Variants in ADPRM observed in about 807,000 individuals in gnomAD.
ADPRM encodes the protein manganese-dependent ADP-ribose/CDP-alcohol diphosphatase.
A neutral mutation model predicts 27.2 loss-of-function variants in ADPRM; 17 were observed. That is an observed-to-expected ratio of 0.63 (90% CI 0.43 to 0.94). The LOEUF is 0.94. ADPRM is among the 40% of genes least tolerant of loss of function. The pLI, the probability that ADPRM is intolerant of heterozygous loss-of-function variation, is 0.00. For missense variants in ADPRM, 337 were observed against 412.8 expected (o/e 0.82, Z 1.59); for synonymous variants, 135 against 145.3 (o/e 0.93, Z 0.51).
At chr17:10,708,682 CA>C (rs1220017537) in intron 3 of ADPRM, among the ~76,000 whole-genome samples, 5 of 152,122 alleles carry the variant, frequency 3.3e-5, no homozygotes, top group Admixed American at 1.3e-4. Flanking sequence ...TAAGTGGTCT[CA>C]GAAACTAGGA....
At position 10,705,170 on chromosome 17, in the gene ADPRM, C is replaced by T. The variant is rs1269582017; in HGVS notation, c.244C>T (p.Gln82Ter). Residue 82 changes from glutamine to a stop codon, truncating the protein, a stop_gained, in exon 2 of 4, where the codon CAG (glutamine) becomes TAG (stop). Coordinates refer to ENST00000379774, the MANE Select transcript of ADPRM (RefSeq NM_020233.5). LOFTEE classifies it high-confidence loss of function. This position sits in a 1 kb window ranked among gnomAD's most constrained non-coding sequence, Gnocchi z 5.4. ...AGATATCATCGATGGATATAATGCA[C>T]AGTATAATGCATCCAAAAAGTCCCT... ...LGDIIDGYNA[Q>*]YNASKKSLEL... The T allele has an allele frequency of 2.5e-6, 4 of 1,614,052 alleles. No homozygotes were observed. Among genetic ancestry groups the T allele is most frequent in the South Asian group, 2.2e-5 (2 of 91,084 alleles).
At chr17:10,704,122 T>C (rs1040598038) in intron 1 of ADPRM, among the ~76,000 whole-genome samples, 1 of 152,070 alleles carries the variant, frequency 6.6e-6, no homozygotes, top group African/African-American at 2.4e-5. Flanking sequence ...GGTGGAAGGA[T>C]TGCTTGAGCC....
intron 1 of ADPRM, among the ~76,000 whole-genome samples, chr17:10,699,774 T>G (rs1486440240): frequency 5.9e-5 from 9 of 152,166 alleles, no homozygotes; most frequent in Admixed American, 5.9e-4. Context: ...CATCGTGATC[T>G]GCCCGCCTCG....
At chr17:10,709,176 T>C (rs2074833862) in intron 3 of ADPRM, among the ~76,000 whole-genome samples, 1 of 152,142 alleles carries the variant, frequency 6.6e-6, no homozygotes, top group African/African-American at 2.4e-5. Flanking sequence ...GAATTGCCAT[T>C]AGCTGAGATA....
At position 10,697,619 on chromosome 17, in the gene ADPRM, G is replaced by A; in HGVS notation, c.-66G>A. 1 of 1,342,478 alleles carries A rather than the reference G, an allele frequency of 7.4e-7. No homozygotes were observed. 83.2% of individuals were successfully genotyped at this position (1,342,478 alleles called of 1,614,324 possible). ...GTCCGTCCCGCTCGTTGGTGGCGCT[G>A]TTACATAGCCCGTAGTCAGAGGCCT... On this transcript the variant is annotated 5_prime_UTR_variant, in exon 1 of 4. Transcript: ENST00000379774.
chr17:10,701,812 G>A (rs1297177558), intron 1 of ADPRM, among the ~76,000 whole-genome samples: 1 of 152,132 alleles, frequency 6.6e-6, no homozygotes, highest in Non-Finnish European at 1.5e-5. Flanking sequence ...TTTCCTCACT[G>A]GAGGTGGCTT....
At chr17:10,697,787 C>A (rs1369377510) in intron 1 of ADPRM, 120 bp downstream of exon 1, 3 of 444,052 alleles carry the variant, frequency 6.8e-6, no homozygotes, top group Non-Finnish European at 7.9e-6. Flanking sequence ...GCGGCTGGGC[C>A]GAGGCAAGGC....
In ADPRM at chr17:10,711,002, TAGA is replaced by T. The variant is rs753054950; in HGVS notation, c.890_892del (p.Glu297del). 2.4e-5 allele frequency: 38 copies of T among 1,614,022 alleles called. No homozygotes were observed. The highest frequency in any genetic ancestry group is 1.9e-5 in the Non-Finnish European group (22 of 1,180,028). The stretch of plus-strand genomic sequence containing the variant: ...CCTTTTGGTGTATACCACGTCAACC[TAGA>T]AGGAGTTATTGAAACAGCTCCAGAC... On this transcript the variant is annotated inframe_deletion, in exon 4 of 4. Transcript: ENST00000379774.
chr17:10,709,675 G>A (rs1012647539), intron 3 of ADPRM, among the ~76,000 whole-genome samples: 2 of 151,864 alleles, frequency 1.3e-5, no homozygotes, highest in Non-Finnish European at 2.9e-5. Flanking sequence ...AGCAGCACAC[G>A]CCTTTGGACG....
Position 10,705,882 on chromosome 17 carries a change from G to T in ADPRM, c.601+355G>T, listed in dbSNP as rs1044740479. ...AACAAGATTATTTCCACGGTCGTAA[G>T]TGCTGCCAAGGAAATAGAGTATGAT... On this transcript the variant is annotated intron_variant, in intron 2 of 3. Transcript: ENST00000379774. This position sits in a 1 kb window ranked among gnomAD's most constrained non-coding sequence, Gnocchi z 5.4. 4.9e-5 allele frequency: 14 copies of T among 287,384 alleles called. No individual in the cohort carries two copies. The highest frequency in any genetic ancestry group is 4.8e-4 in the Admixed American group (10 of 20,718). 17.8% of individuals were successfully genotyped at this position (287,384 alleles called of 1,614,324 possible).
rs1226175813 is a variant in ADPRM at position 10,706,559 on chromosome 17, G to T, written c.718+5G>T. On this transcript the variant is annotated splice_donor_5th_base_variant and intron_variant, in intron 3 of 3. Transcript: ENST00000379774. ...AAGAAAAGGTGGTGATTGTGAGTAA[G>T]TATTTAATTTATCTGATTACACTAA... 1 of 1,548,830 alleles carries T rather than the reference G, an allele frequency of 6.5e-7. No homozygotes were observed. The highest frequency in any genetic ancestry group is 1.4e-5 in the African/African-American group (1 of 71,604).
rs373696635 is a variant in ADPRM, at chr17:10,710,853, G to A, written c.738G>A (p.Pro246=). 13 of 1,613,618 alleles carry A rather than the reference G, an allele frequency of 8.1e-6. 1 individual carries two copies. The highest frequency in any genetic ancestry group is 4.4e-5 in the South Asian group (4 of 91,038). Residue 246 remains proline, a synonymous_variant, in exon 4 of 4, where the codon CCG becomes CCA. Transcript: ENST00000379774. ...VVIVSHLPIY[P]DASDNVCLAW... Reference sequence around the variant, plus strand: ...TAACAGGCCATCTTCCCATTTACCCGGACGCCTCTGACAATGTGTGCCTGG... The same window carrying A: ...TAACAGGCCATCTTCCCATTTACCCAGACGCCTCTGACAATGTGTGCCTGG...
intron 3 of ADPRM, among the ~76,000 whole-genome samples, chr17:10,707,807 A>C (rs1438994635): frequency 6.6e-6 from 1 of 152,196 alleles, no homozygotes; most frequent in Non-Finnish European, 1.5e-5. Context: ...ATATAGAATC[A>C]TTTTTGATGG....
chr17:10,697,703 G>T (rs1174969457), intron 1 of ADPRM, 36 bp downstream of exon 1: 5 of 719,358 alleles, frequency 7.0e-6, no homozygotes, highest in African/African-American at 1.8e-5. Flanking sequence ...CGGGTCTGGC[G>T]CGGGCTGGGC....
intron 3 of ADPRM, among the ~76,000 whole-genome samples, chr17:10,709,268 C>A (rs2074834795): frequency 6.6e-6 from 1 of 152,102 alleles, no homozygotes; most frequent in Non-Finnish European, 1.5e-5. Flanking sequence ...GCCTACTAGA[C>A]ATCAGTGGAG....
intron 1 of ADPRM, chr17:10,699,140 A>C (rs968158893): frequency 2.6e-5 from 4 of 152,208 alleles, no homozygotes; most frequent in Non-Finnish European, 4.4e-5. Context: ...GTGGTGGCTC[A>C]CGCCTGTAAT....
chr17:10,702,439 G>A lies in ADPRM; in HGVS notation c.-17-2471G>A, dbSNP rs1420169974. On this transcript the variant is annotated intron_variant, in intron 1 of 3. Coordinates refer to ENST00000379774, the MANE Select transcript of ADPRM (RefSeq NM_020233.5). This position sits in a 1 kb window ranked among gnomAD's most constrained non-coding sequence, Gnocchi z 4.2. The stretch of plus-strand genomic sequence containing the variant: ...TAGCTTTAAGCCCAGGAGAATTTAT[G>A]TGCTGACATGTGTAACTAAATGACC... Among the ~76,000 whole-genome samples, 2 of 152,324 alleles carry A rather than the reference G, an allele frequency of 1.3e-5. No individual in the cohort carries two copies. The highest frequency in any genetic ancestry group is 3.9e-4 in the East Asian group (2 of 5,184).
chr17:10,697,649 G>GC lies in ADPRM; in HGVS notation c.-33dup, dbSNP rs917396008. ...ATAGCCCGTAGTCAGAGGCCTTTCAGCCCAGGGGCCGGCGCACGGTAGGTA... is the reference window on the plus strand; with the variant it reads ...ATAGCCCGTAGTCAGAGGCCTTTCAGCCCCAGGGGCCGGCGCACGGTAGGTA... On this transcript the variant is annotated 5_prime_UTR_variant, in exon 1 of 4. Coordinates refer to ENST00000379774, the MANE Select transcript of ADPRM (RefSeq NM_020233.5). 4.7e-6 allele frequency: 5 copies of GC among 1,054,302 alleles called. No individual in the cohort carries two copies. Among genetic ancestry groups the GC allele is most frequent in the South Asian group, 1.4e-5 (1 of 73,770 alleles). The allele number at this position is 1,054,302 out of a possible 1,614,324, so 65.3% of individuals were successfully genotyped here.
intron 3 of ADPRM, among the ~76,000 whole-genome samples, chr17:10,707,871 G>A (rs150643040): frequency 6.4e-4 from 98 of 152,308 alleles, no homozygotes; most frequent in African/African-American, 2.3e-3. Context: ...ACATACAAGC[G>A]TGTATGTGCG....
Sources: allele counts gnomAD v4.1 joint callset (sites outside exome capture counted in the v4.1 genomes callset), GRCh38; gene constraint gnomAD v4.1.1; non-coding constraint Gnocchi (gnomAD v3.1); transcripts MANE v1.5; gene names NCBI Gene and HGNC (gene_info 2026-07-23, HGNC 2026-07-21).